F13A1: variants seen among roughly 807,000 people sequenced by gnomAD.
F13A1 encodes coagulation factor XIII A chain.
A neutral mutation model predicts 80.1 loss-of-function variants in F13A1; 47 were observed. That is an observed-to-expected ratio of 0.59 (90% CI 0.46 to 0.75). F13A1 has a LOEUF of 0.75. Ranked by LOEUF, F13A1 falls within the 30% of genes least tolerant of loss-of-function variation. F13A1 has a pLI of 0.00. For synonymous variants in F13A1, 349 were observed against 344.9 expected, an observed-to-expected ratio of 1.01 and a Z score of -0.13; for missense variants, 817 against 930.4, an observed-to-expected ratio of 0.88 and a Z score of 1.59.
intron 3 of F13A1, among the ~76,000 whole-genome samples, chr6:6,274,106 A>G (rs1367362250): frequency 6.6e-6 from 1 of 152,208 alleles, no homozygotes; most frequent in African/African-American, 2.4e-5. Context: ...TGTTTATTCT[A>G]GCTCAGGCAA....
intron 2 of F13A1, among the ~76,000 whole-genome samples, chr6:6,309,687 T>TTA (rs558496501): frequency 2.0e-5 from 3 of 152,018 alleles, no homozygotes; most frequent in Admixed American, 6.6e-5. Context: ...ATGATTAGAT[T>TTA]TATATATATA....
intron 4 of F13A1, among the ~76,000 whole-genome samples, chr6:6,257,991 G>A (rs1561670628): frequency 1.3e-5 from 2 of 152,156 alleles, no homozygotes; most frequent in East Asian, 3.9e-4. Context: ...ATTTGATCTT[G>A]TAAATATCAA....
At chr6:6,159,846 G>T (rs898853620) in intron 13 of F13A1, among the ~76,000 whole-genome samples, 4 of 152,112 alleles carry the variant, frequency 2.6e-5, no homozygotes, top group African/African-American at 9.7e-5. Context: ...TGCAAGAGGA[G>T]CACCCCAGGC....
rs757899441 is a variant in F13A1, at chr6:6,162,603, C to T, written c.1908+4855G>A. Among the ~76,000 whole-genome samples the T allele has an allele frequency of 1.3e-5, 2 of 152,166 alleles. No individual in the cohort carries two copies. The highest frequency in any genetic ancestry group is 2.9e-5 in the Non-Finnish European group (2 of 68,034). On this transcript the variant is annotated intron_variant, in intron 13 of 14. Transcript: ENST00000264870. The surrounding 1 kb of genome is among the most constrained non-coding windows in gnomAD (Gnocchi z 4.2). ...CTGGGCCAGAAGTGTCTCTCCTTCC[C>T]TCAACAGGCACGTGATCACGGGCCA...
intron 8 of F13A1, among the ~76,000 whole-genome samples, chr6:6,210,618 T>A (rs1469194168): frequency 6.6e-6 from 1 of 151,876 alleles, no homozygotes; most frequent in Non-Finnish European, 1.5e-5. Flanking sequence ...ATGGTCTTGA[T>A]CTCCTGACCT....
At chr6:6,311,445 T>C (rs1395188588) in intron 2 of F13A1, among the ~76,000 whole-genome samples, 1 of 151,414 alleles carries the variant, frequency 6.6e-6, no homozygotes, top group Non-Finnish European at 1.5e-5. Context: ...ACTGTCTTTC[T>C]AGCCTGCTTA....
chr6:6,173,598 G>A (rs1034945529), intron 12 of F13A1, among the ~76,000 whole-genome samples: 4 of 151,962 alleles, frequency 2.6e-5, no homozygotes, highest in African/African-American at 7.3e-5. Context: ...AGTAGAGATG[G>A]GTTTTCACCA....
At position 6,311,522 on chromosome 6, in the gene F13A1, C is replaced by CA. The variant is rs36187372; in HGVS notation, c.131-5984dup. Reference sequence around the variant, plus strand: ...GCCTTTGAGAATAGAAAACCTAAGTCAAAAAAAAAAAGACAAAACCCCAGC... The same window carrying CA: ...GCCTTTGAGAATAGAAAACCTAAGTCAAAAAAAAAAAAGACAAAACCCCAGC... On this transcript the variant is annotated intron_variant, in intron 2 of 14. Transcript: ENST00000264870. Among the ~76,000 whole-genome samples, 312 of 142,910 alleles carry CA rather than the reference C, an allele frequency of 2.2e-3. 1 individual carries two copies. Among genetic ancestry groups the CA allele is most frequent in the African/African-American group, 3.8e-3 (148 of 39,306 alleles). The allele number at this position is 142,910 out of a possible 152,430, so 93.8% of individuals were successfully genotyped here. A position where few individuals can be genotyped will look rare whatever the true frequency, so the allele number is the denominator to read the frequency against.
chr6:6,315,290 A>G (rs2113201832), intron 2 of F13A1, among the ~76,000 whole-genome samples: 1 of 152,352 alleles, frequency 6.6e-6, no homozygotes, highest in East Asian at 1.9e-4. Flanking sequence ...TACAAATCCA[A>G]ATCTGAGGAG....
intron 3 of F13A1, among the ~76,000 whole-genome samples, chr6:6,294,568 G>A (rs1342321251): frequency 7.0e-6 from 1 of 143,404 alleles, no homozygotes; most frequent in Admixed American, 6.8e-5. Context: ...ACACGTATAT[G>A]TACAAACACA....
At chr6:6,220,961 C>T (rs1236642757) in intron 8 of F13A1, among the ~76,000 whole-genome samples, 3 of 152,212 alleles carry the variant, frequency 2.0e-5, no homozygotes, top group Non-Finnish European at 4.4e-5. Context: ...TGATCCATTC[C>T]TGTAACATGA....
intron 2 of F13A1, among the ~76,000 whole-genome samples, chr6:6,314,232 G>A (rs886921141): frequency 1.1e-4 from 17 of 151,798 alleles, no homozygotes; most frequent in Non-Finnish European, 2.2e-4. Flanking sequence ...TGCCCACCTC[G>A]GCCTCCCAAA....
At chr6:6,242,396 T>A (rs554705949) in intron 6 of F13A1, among the ~76,000 whole-genome samples, 1 of 152,218 alleles carries the variant, frequency 6.6e-6, no homozygotes, top group Non-Finnish European at 1.5e-5. Flanking sequence ...GGATTAATGA[T>A]GGCATTGTGG....
intron 1 of F13A1, among the ~76,000 whole-genome samples, chr6:6,320,160 T>TGCGCAGGAGTGGGGAGGC (rs1158128447): frequency 1.0e-3 from 156 of 152,128 alleles, no homozygotes; most frequent in African/African-American, 3.0e-3. Flanking sequence ...AGGCAGGCGA[T>TGCGCAGGAGTGGGGAGGC]GCGCAGGAGT....
intron 12 of F13A1, among the ~76,000 whole-genome samples, chr6:6,172,835 G>GTAACTATTTTACTTTAAC (rs1760800797): frequency 6.6e-6 from 1 of 152,086 alleles, no homozygotes; most frequent in Non-Finnish European, 1.5e-5. Context: ...CTTGGAATTA[G>GTAACTATTTTACTTTAAC]GATTTTAAAA....
intron 14 of F13A1, among the ~76,000 whole-genome samples, chr6:6,150,299 G>A (rs891478663): frequency 1.3e-5 from 2 of 152,188 alleles, no homozygotes; most frequent in Non-Finnish European, 2.9e-5. Context: ...CGTTTCTGAC[G>A]AAAGCAGGGG....
chr6:6,199,405 G>T (rs148686513), intron 8 of F13A1, among the ~76,000 whole-genome samples: 29 of 152,094 alleles, frequency 1.9e-4, no homozygotes, highest in African/African-American at 7.0e-4. Context: ...CAGGAGAATG[G>T]CGTGAACCCG....
At chr6:6,223,341 A>G (rs1429013445) in intron 7 of F13A1, among the ~76,000 whole-genome samples, 2 of 152,214 alleles carry the variant, frequency 1.3e-5, no homozygotes, top group African/African-American at 4.8e-5. Flanking sequence ...AGCCGGAAGG[A>G]ATTACACTGG....
intron 8 of F13A1, among the ~76,000 whole-genome samples, chr6:6,218,741 G>A (rs1012342246): frequency 2.0e-5 from 3 of 152,172 alleles, no homozygotes; most frequent in African/African-American, 4.8e-5. Context: ...GGGGACCTAC[G>A]GTGGCAAACC....
Sources: gnomAD v4.1 joint callset for allele counts (sites outside exome capture counted in the v4.1 genomes callset) on GRCh38, gnomAD v4.1.1 for gene constraint, Gnocchi (gnomAD v3.1) non-coding constraint, MANE v1.5 for transcripts, NCBI Gene and HGNC (gene_info 2026-07-23, HGNC 2026-07-21) for gene names.